ZNF804B: variants seen among roughly 807,000 people sequenced by gnomAD.
The protein encoded by ZNF804B is zinc finger 804B.
ZNF804B carries 80 observed loss-of-function variants against 101.4 expected under a neutral mutation model. The ratio of observed to expected loss-of-function variants is 0.79; its 90% confidence interval spans 0.66 to 0.95. The LOEUF (loss-of-function observed/expected upper bound fraction) is 0.95. ZNF804B is among the 40% of genes least tolerant of loss of function. The pLI is 0.00. For missense variants in ZNF804B, 1,673 were observed against 1,561.9 expected (o/e 1.07, Z -1.20); for synonymous variants, 622 against 558.8 (o/e 1.11, Z -1.59).
chr7:89,115,998 G>A (rs937072308), intron 1 of ZNF804B, among the ~76,000 whole-genome samples: 3 of 150,812 alleles, frequency 2.0e-5, no homozygotes, highest in South Asian at 2.1e-4. Context: ...TCGACCTCCC[G>A]GGCTCAGATG....
chr7:89,046,419 C>T (rs1441184756), intron 1 of ZNF804B, among the ~76,000 whole-genome samples: 1 of 152,084 alleles, frequency 6.6e-6, no homozygotes, highest in Non-Finnish European at 1.5e-5. Flanking sequence ...TTTATTCTTT[C>T]TGTATTTCAA....
intron 1 of ZNF804B, among the ~76,000 whole-genome samples, chr7:89,209,102 C>G (rs979355786): frequency 2.6e-5 from 4 of 151,946 alleles, no homozygotes; most frequent in Non-Finnish European, 5.9e-5. Flanking sequence ...TTTAAGCAAA[C>G]TTTAAATATT....
In ZNF804B at chr7:89,278,692, T is replaced by C. The variant is rs1403705567; in HGVS notation, c.250-48652T>C. On this transcript the variant is annotated intron_variant, in intron 2 of 3. Coordinates refer to ENST00000333190, the MANE Select transcript of ZNF804B (RefSeq NM_181646.5). The stretch of plus-strand genomic sequence containing the variant: ...GTGGCGTTATTTCTGAGGGCTCTGT[T>C]CTGTTCCATTGATCTATATCTCTGT... 3.6e-3 allele frequency among the ~76,000 whole-genome samples: 545 copies of C among 150,008 alleles called. 3 individuals carry two copies. The highest frequency in any genetic ancestry group is 0.012 in the African/African-American group (509 of 40,932).
chr7:88,930,433 T>C (rs1792865450), intron 1 of ZNF804B, among the ~76,000 whole-genome samples: 1 of 151,956 alleles, frequency 6.6e-6, no homozygotes, highest in Non-Finnish European at 1.5e-5. Context: ...AGAGGGAAGG[T>C]TGGCAAGAAA....
Position 89,335,851 on chromosome 7 carries a change from G to T in ZNF804B, c.2869G>T (p.Ala957Ser). 6.2e-7 allele frequency: 1 copy of T among 1,614,048 alleles called. No individual in the cohort carries two copies. The highest frequency in any genetic ancestry group is 2.2e-5 in the East Asian group (1 of 44,866). Residue 957 changes from alanine (A) to serine (S), a missense_variant, in exon 4 of 4, where the codon GCT becomes TCT. By Grantham distance (99) the Ala-to-Ser change is moderately conservative. Transcript: ENST00000333190. ...AAACAGTTGTAAAAGTGAATTAGAG[G>T]CTCCTTCGCAAGTCCCATGCACAAT... ...SSNSCKSELE[A>S]PSQVPCTIQL...
chr7:88,852,347 G>A (rs1379534343), intron 1 of ZNF804B, among the ~76,000 whole-genome samples: 1 of 152,074 alleles, frequency 6.6e-6, no homozygotes, highest in African/African-American at 2.4e-5. Context: ...ATATTTTACT[G>A]ATGTGTTTTA....
intron 1 of ZNF804B, among the ~76,000 whole-genome samples, chr7:89,027,264 G>A (rs1296927790): frequency 1.3e-5 from 2 of 151,886 alleles, no homozygotes; most frequent in African/African-American, 4.8e-5. Flanking sequence ...GAGAGACAGA[G>A]AGAATCTTCT....
Position 89,171,277 on chromosome 7 carries a change from A to ATGCTGCTGCTGCTGC in ZNF804B, c.109-46865_109-46864insGCTGCTGCTGCTGCT, listed in dbSNP as rs55857746. 6.0e-3 allele frequency among the ~76,000 whole-genome samples: 666 copies of ATGCTGCTGCTGCTGC among 110,182 alleles called. 12 individuals are homozygous for ATGCTGCTGCTGCTGC. Among genetic ancestry groups the ATGCTGCTGCTGCTGC allele is most frequent in the Non-Finnish European group, 8.2e-3 (410 of 50,182 alleles). The allele number at this position is 110,182 out of a possible 152,430, so 72.3% of individuals were successfully genotyped here. ...TAACTCAATGAAGTAGGCACAAATA[A>ATGCTGCTGCTGCTGC]TGCTGCTGCTGCTTCTTCTTCTTCT... On this transcript the variant is annotated intron_variant, in intron 1 of 3. Coordinates refer to ENST00000333190, the MANE Select transcript of ZNF804B (RefSeq NM_181646.5).
chr7:89,047,640 T>G (rs1789131002), intron 1 of ZNF804B, among the ~76,000 whole-genome samples: 1 of 152,146 alleles, frequency 6.6e-6, no homozygotes, highest in Admixed American at 6.6e-5. Context: ...GTCGTAAATG[T>G]TCACAAATGG....
chr7:89,118,334 A>G (rs1387532032), intron 1 of ZNF804B, among the ~76,000 whole-genome samples: 1 of 152,128 alleles, frequency 6.6e-6, no homozygotes, highest in Non-Finnish European at 1.5e-5. Context: ...GCACTATCTT[A>G]AGTAATATAG....
At chr7:89,173,065 G>C (rs892833638) in intron 1 of ZNF804B, among the ~76,000 whole-genome samples, 1 of 152,070 alleles carries the variant, frequency 6.6e-6, no homozygotes, top group Non-Finnish European at 1.5e-5. Context: ...CCTGGGGTAT[G>C]AATTAATCCT....
chr7:88,924,058 C>G (rs974384194), intron 1 of ZNF804B, among the ~76,000 whole-genome samples: 3 of 152,018 alleles, frequency 2.0e-5, no homozygotes, highest in African/African-American at 7.2e-5. Context: ...ACACCTTTTT[C>G]TCCAGGATAG....
At chr7:88,993,161 T>A (rs1232148785) in intron 1 of ZNF804B, among the ~76,000 whole-genome samples, 1 of 152,034 alleles carries the variant, frequency 6.6e-6, no homozygotes, top group Non-Finnish European at 1.5e-5. Context: ...TTCTAATGCA[T>A]TTAAAATATA....
At chr7:88,883,954 C>A (rs144888004) in intron 1 of ZNF804B, among the ~76,000 whole-genome samples, 1,559 of 152,044 alleles carry the variant, frequency 0.01, 24 homozygotes, top group African/African-American at 0.036. Flanking sequence ...AAAACTGGAT[C>A]TCCAGAAATC....
At chr7:88,981,532 A>G (rs1793694973) in intron 1 of ZNF804B, among the ~76,000 whole-genome samples, 1 of 151,996 alleles carries the variant, frequency 6.6e-6, no homozygotes, top group African/African-American at 2.4e-5. Flanking sequence ...ATGTACTCCA[A>G]GTCCACTGGC....
chr7:89,285,522 C>CAAAAAAAAAAAAAAAAAAAAAAAAA (rs778078214), intron 2 of ZNF804B, among the ~76,000 whole-genome samples: 2 of 22,396 alleles, frequency 8.9e-5, no homozygotes, highest in Non-Finnish European at 1.6e-4. Context: ...GACTCTGTCT[C>CAAAAAAAAAAAAAAAAAAAAAAAAA]AAAAAAAAAA....
At chr7:89,057,177 G>A (rs1288207674) in intron 1 of ZNF804B, among the ~76,000 whole-genome samples, 1 of 152,114 alleles carries the variant, frequency 6.6e-6, no homozygotes, top group Non-Finnish European at 1.5e-5. Flanking sequence ...GGGGATGAAA[G>A]TCAATTCTTA....
intron 1 of ZNF804B, among the ~76,000 whole-genome samples, chr7:89,184,028 T>G (rs1301967388): frequency 6.6e-6 from 1 of 152,184 alleles, no homozygotes; most frequent in Non-Finnish European, 1.5e-5. Context: ...ATGCAAAGGC[T>G]GGTCTGGTCT....
chr7:88,928,930 A>G (rs1050158402), intron 1 of ZNF804B, among the ~76,000 whole-genome samples: 26 of 152,180 alleles, frequency 1.7e-4, no homozygotes, highest in African/African-American at 5.8e-4. Context: ...TATGACACTT[A>G]TTTTGGACAG....
Sources: gnomAD v4.1 joint callset for allele counts (sites outside exome capture counted in the v4.1 genomes callset) on GRCh38, gnomAD v4.1.1 for gene constraint, MANE v1.5 for transcripts, NCBI Gene and HGNC (gene_info 2026-07-23, HGNC 2026-07-21) for gene names.